The following CUL4B variants were observed in gnomAD, a reference collection of about 807,000 sequenced individuals.
CUL4B encodes the protein cullin-4B.
CUL4B carries 1 observed loss-of-function variant against 69.2 expected under a neutral mutation model. The observed-to-expected ratio is 0.01, with a 90% CI of 0.01 to 0.07. CUL4B has a LOEUF of 0.07. CUL4B is among the 10% of genes least tolerant of loss of function. The probability of loss-of-function intolerance (pLI) is 1.00; values close to 1 mark genes in which losing one functional copy is unlikely to be tolerated. For missense variants in CUL4B, 328 were observed against 638.8 expected (o/e 0.51, Z 5.24); for synonymous variants, 237 against 223.2 (o/e 1.06, Z -0.55).
In CUL4B at chrX:120,526,954, G is replaced by T. The variant is rs749324294; in HGVS notation, c.2593-98C>A. The stretch of plus-strand genomic sequence containing the variant: ...TAAAAAGACAACAGTTTCGGCTCAT[G>T]AATTTAATCTCCTTTTTTAAAATTT... On this transcript the variant is annotated intron_variant, in intron 19 of 19. Coordinates refer to ENST00000371322, the MANE Select transcript of CUL4B (RefSeq NM_001079872.2). 7 of 411,924 alleles carry T rather than the reference G, an allele frequency of 1.7e-5. No homozygotes were observed. The South Asian group carries it at 2.1e-4, about 12-fold the overall frequency. 33.9% of individuals were successfully genotyped at this position (411,924 alleles called of 1,213,427 possible).
intron 1 of CUL4B, among the ~76,000 whole-genome samples, chrX:120,559,297 G>A (rs190448731): frequency 8.9e-6 from 1 of 112,043 alleles, no homozygotes; most frequent in Non-Finnish European, 1.9e-5. Context: ...AATTAATTCA[G>A]CTCAAATACA....
intron 13 of CUL4B, 66 bp from the exon 14 acceptor site, chrX:120,538,275 G>A (rs1016011236): frequency 4.2e-6 from 3 of 720,815 alleles, no homozygotes; most frequent in South Asian, 2.5e-5. Flanking sequence ...TTTAAAAGTG[G>A]GAAACACGAA....
At chrX:120,545,321 A>G (rs182690643) in intron 5 of CUL4B, 123 bp downstream of exon 5, 14 of 530,114 alleles carry the variant, frequency 2.6e-5, no homozygotes, top group African/African-American at 1.9e-4. Context: ...GCTACAAAGG[A>G]AAGTCTAGAA....
chrX:120,549,069 C>A (rs1041036311), intron 2 of CUL4B, among the ~76,000 whole-genome samples: 3 of 111,721 alleles, frequency 2.7e-5, no homozygotes, highest in African/African-American at 9.8e-5. Flanking sequence ...CTGATATAAT[C>A]TATAATTCCA....
chrX:120,549,380 T>G (rs1924542189), intron 2 of CUL4B, among the ~76,000 whole-genome samples: 2 of 111,672 alleles, frequency 1.8e-5, no homozygotes, highest in African/African-American at 6.5e-5. Context: ...AGTGAAACCC[T>G]GTCTCTACTA....
In CUL4B at chrX:120,538,674, G is replaced by C; in HGVS notation, c.1838C>G (p.Ser613Cys). 1 of 1,179,873 alleles carries C rather than the reference G, an allele frequency of 8.5e-7. No individual in the cohort carries two copies. The highest frequency in any genetic ancestry group is 1.2e-6 in the Non-Finnish European group (1 of 867,179). The change falls in exon 13 of 20, where the codon TCC (serine) becomes TGC (cysteine). Residue 613 changes from serine (S) to cysteine (C), a missense_variant. This residue lies in a region of CUL4B where 98 missense variants were observed against 296.8 expected (regional missense o/e 0.33). Coordinates refer to ENST00000371322, the MANE Select transcript of CUL4B (RefSeq NM_001079872.2). ...GAGAAACCTACCATGTTTAAGTTTGGACAGCATTGATTTTTCAGCATCTAC... is the reference window on the plus strand; with the variant it reads ...GAGAAACCTACCATGTTTAAGTTTGCACAGCATTGATTTTTCAGCATCTAC... ...ASVDAEKSML[S>C]KLKHECGAAF...
At chrX:120,536,468 C>A (rs984680011) in intron 15 of CUL4B, among the ~76,000 whole-genome samples, 2 of 112,030 alleles carry the variant, frequency 1.8e-5, no homozygotes, top group Non-Finnish European at 3.8e-5. Flanking sequence ...TAGATTTAAT[C>A]AAGGACCCAT....
At chrX:120,556,700 G>A (rs898964449) in intron 2 of CUL4B, among the ~76,000 whole-genome samples, 1 of 108,921 alleles carries the variant, frequency 9.2e-6, no homozygotes, top group Non-Finnish European at 1.9e-5. Context: ...AAAAAACTGA[G>A]AGGGCTTTAG....
intron 2 of CUL4B, among the ~76,000 whole-genome samples, chrX:120,551,169 A>T (rs1053896475): frequency 3.6e-5 from 4 of 111,460 alleles, no homozygotes; most frequent in Non-Finnish European, 7.5e-5. Context: ...GTTCAAGGCA[A>T]ATCTTACCAC....
intron 1 of CUL4B, 173 bp downstream of exon 1, chrX:120,559,910 C>A: frequency 2.6e-6 from 3 of 1,138,866 alleles, no homozygotes; most frequent in Non-Finnish European, 3.5e-6. Flanking sequence ...AGGATCCTAA[C>A]CACCCCCGGA....
At chrX:120,544,053 C>A (rs1205182077) in intron 7 of CUL4B, 61 bp downstream of exon 7, 11 of 748,611 alleles carry the variant, frequency 1.5e-5, no homozygotes, top group Non-Finnish European at 2.3e-5. Context: ...AGCTTATATT[C>A]TACAAAGTAA....
intron 1 of CUL4B, 70 bp downstream of exon 1, chrX:120,560,008 TTAACA>T: frequency 1.7e-6 from 2 of 1,208,364 alleles, no homozygotes; most frequent in Non-Finnish European, 2.2e-6. Flanking sequence ...GTTTAATATA[TTAACA>T]TAAATAGAGC....
chrX:120,545,416 T>A (rs773801923), intron 5 of CUL4B, 28 bp downstream of exon 5: 33 of 1,016,873 alleles, frequency 3.2e-5, no homozygotes, highest in Middle Eastern at 2.6e-4. Flanking sequence ...TTTGGAACAA[T>A]CTTTTCATAT....
intron 2 of CUL4B, among the ~76,000 whole-genome samples, chrX:120,556,134 ATTG>A (rs1200103442): frequency 1.8e-5 from 2 of 110,687 alleles, no homozygotes; most frequent in African/African-American, 6.6e-5. Context: ...TTTGGCTTTT[ATTG>A]TTGTACATTT....
chrX:120,539,152 C>A, intron 12 of CUL4B, 116 bp downstream of exon 12: 1 of 485,416 alleles, frequency 2.1e-6, no homozygotes, highest in Non-Finnish European at 3.4e-6. Flanking sequence ...GAATTAAACA[C>A]AATTTTAAAT....
chrX:120,550,173 T>C (rs181280879), intron 2 of CUL4B, among the ~76,000 whole-genome samples: 1 of 111,967 alleles, frequency 8.9e-6, no homozygotes, highest in East Asian at 2.8e-4. Flanking sequence ...TCAACACTAT[T>C]TATCTCCCAA....
At chrX:120,550,821 T>C (rs1267680831) in intron 2 of CUL4B, among the ~76,000 whole-genome samples, 1 of 111,749 alleles carries the variant, frequency 8.9e-6, no homozygotes, top group African/African-American at 3.3e-5. Flanking sequence ...GATGGAGCAA[T>C]CTCGTAATAG....
At chrX:120,566,369 A>ATATATATATATATATATATG (rs1569398198), upstream of CUL4B, among the ~76,000 whole-genome samples, 431 of 56,449 alleles carry the variant, frequency 7.6e-3, 11 homozygotes, top group African/African-American at 0.022. Flanking sequence ...ATATATATAT[A>ATATATATATATATATATATG]TATATATATA....
intron 3 of CUL4B, 84 bp from the exon 4 acceptor site, chrX:120,546,700 T>C (rs1924356410): frequency 3.1e-6 from 2 of 649,190 alleles, no homozygotes; most frequent in Admixed American, 5.3e-5. Flanking sequence ...GTCTTAAACA[T>C]GAATACCTTG....
Sources: gnomAD v4.1 joint callset for allele counts (sites outside exome capture counted in the v4.1 genomes callset) on GRCh38, gnomAD v4.1.1 for gene constraint, gnomAD v4.1.1 regional missense constraint, MANE v1.5 for transcripts, NCBI Gene and HGNC (gene_info 2026-07-23, HGNC 2026-07-21) for gene names.